Variants in SPAG17 observed in about 807,000 individuals in gnomAD.
SPAG17 encodes sperm-associated antigen 17.
Under a neutral mutation model 273.6 loss-of-function variants are expected in SPAG17, and 169 were observed. The observed-to-expected ratio is 0.62, with a 90% confidence interval of 0.55 to 0.70. The LOEUF (loss-of-function observed/expected upper bound fraction) is 0.70, where lower values mean the gene tolerates loss of function less well. Among genes scored for constraint, SPAG17 ranks in the 30% least tolerant of loss-of-function variants. SPAG17 has a pLI of 0.00. For missense variants in SPAG17, 2,557 were observed against 2,627.8 expected, an observed-to-expected ratio of 0.97 and a Z score of 0.59; for synonymous variants, 825 against 873.2, an observed-to-expected ratio of 0.94 and a Z score of 0.97.
At position 118,101,824 on chromosome 1, in the gene SPAG17, C is replaced by A. The variant is rs547173660; in HGVS notation, c.550G>T (p.Asp184Tyr). The A allele has an allele frequency of 4.3e-6, 7 of 1,613,918 alleles. No homozygotes were observed. Among genetic ancestry groups the A allele is most frequent in the Non-Finnish European group, 5.9e-6 (7 of 1,179,956 alleles). The change falls in exon 5 of 49, where the codon GAT becomes TAT. Residue 184 changes from aspartate to tyrosine, a missense_variant. Transcript: ENST00000336338. ...SAKPAKGKGK[D>Y]QPEANAPVKK... Reference sequence around the variant, plus strand: ...ACTGGTGCATTTGCCTCAGGCTGATCCTTTCCCTTTCCTTTGGCAGGCTTG... The same window carrying A: ...ACTGGTGCATTTGCCTCAGGCTGATACTTTCCCTTTCCTTTGGCAGGCTTG...
intron 3 of SPAG17, among the ~76,000 whole-genome samples, chr1:118,142,248 T>C (rs766249745): frequency 1.3e-5 from 2 of 152,180 alleles, no homozygotes; most frequent in Non-Finnish European, 2.9e-5. Flanking sequence ...TATGATTCCA[T>C]TTATATGAGG....
At chr1:118,056,001 C>T in intron 18 of SPAG17, 87 bp from the exon 19 acceptor site, 2 of 1,114,950 alleles carry the variant, frequency 1.8e-6, no homozygotes, top group Non-Finnish European at 2.5e-6. Context: ...AAACTTTTTG[C>T]TCATGTCAAA....
chr1:118,093,299 T>C lies in SPAG17; in HGVS notation c.1030A>G (p.Ile344Val), dbSNP rs1340182584. The C allele has an allele frequency of 1.2e-6, 2 of 1,609,974 alleles. No individual in the cohort carries two copies. The highest frequency in any genetic ancestry group is 3.4e-5 in the Admixed American group (2 of 59,338). The change falls in exon 8 of 49, where the codon ATT becomes GTT. Residue 344 changes from isoleucine (I) to valine (V), a missense_variant. Physicochemically the swap from Ile to Val is conservative, Grantham distance 29. Coordinates refer to ENST00000336338, the MANE Select transcript of SPAG17 (RefSeq NM_206996.4). ...ATCAAGCAGGCAATATTTTCAAAAA[T>C]ATCAGTGCCCAATTTCAGCTACAAG... is the stretch of plus-strand genomic sequence containing the variant. ...GEMMLKLGTD[I>V]FENIACLMYD...
At chr1:118,043,552 A>T (rs745734423) in intron 20 of SPAG17, among the ~76,000 whole-genome samples, 1 of 152,214 alleles carries the variant, frequency 6.6e-6, no homozygotes, top group Non-Finnish European at 1.5e-5. Context: ...TGTCAATTGT[A>T]ATGGTATCGT....
chr1:118,182,871 T>C (rs1256235771), intron 1 of SPAG17, among the ~76,000 whole-genome samples: 1 of 152,238 alleles, frequency 6.6e-6, no homozygotes, highest in Non-Finnish European at 1.5e-5. Context: ...CTCTATTTAA[T>C]CATTTAGTGC....
At chr1:118,147,124 T>C (rs1460974635) in intron 3 of SPAG17, among the ~76,000 whole-genome samples, 2 of 152,172 alleles carry the variant, frequency 1.3e-5, no homozygotes, top group Non-Finnish European at 2.9e-5. Flanking sequence ...TCCATATACA[T>C]TTTGTCCTTT....
chr1:118,099,253 G>T (rs1287432878), intron 6 of SPAG17, among the ~76,000 whole-genome samples: 1 of 152,134 alleles, frequency 6.6e-6, no homozygotes, highest in East Asian at 1.9e-4. Flanking sequence ...TGTGACTTCT[G>T]CAAGAACAGA....
Position 117,976,312 on chromosome 1 carries a change from G to A in SPAG17, c.6005-2751C>T, listed in dbSNP as rs144447578. Among the ~76,000 whole-genome samples, 652 of 152,286 alleles carry A rather than the reference G, an allele frequency of 4.3e-3. 3 individuals carry two copies. Among genetic ancestry groups the A allele is most frequent in the African/African-American group, 0.015 (630 of 41,548 alleles). On this transcript the variant is annotated intron_variant, in intron 43 of 48. Coordinates refer to ENST00000336338, the MANE Select transcript of SPAG17 (RefSeq NM_206996.4). ...CTGGTACAATCCAACTATTGCATTC[G>A]TCTGAATATTACTGCTGGACCTGAG...
At chr1:117,957,948 A>G (rs1036787981) in intron 48 of SPAG17, among the ~76,000 whole-genome samples, 1 of 152,242 alleles carries the variant, frequency 6.6e-6, no homozygotes, top group Admixed American at 6.5e-5. Flanking sequence ...TAAAGCAAAT[A>G]TGTTCATTAG....
Position 117,996,819 on chromosome 1 carries a change from A to G in SPAG17, c.4777-76T>C, listed in dbSNP as rs148291695. The G allele has an allele frequency of 1.6e-4, 229 of 1,423,338 alleles. No homozygotes were observed. In the East Asian group the frequency reaches 5.2e-3, roughly 32 times the overall value. 88.2% of individuals were successfully genotyped at this position (1,423,338 alleles called of 1,614,324 possible). A position where few individuals can be genotyped will look rare whatever the true frequency, so the allele number is the denominator to read the frequency against. On this transcript the variant is annotated intron_variant, in intron 32 of 48. Transcript: ENST00000336338. ...TAAACTTCTGCTGATTCAATTTGAGAAAACAGATGATTTGGTGGGTTTACT... is the reference window on the plus strand; with the variant it reads ...TAAACTTCTGCTGATTCAATTTGAGGAAACAGATGATTTGGTGGGTTTACT...
At chr1:118,008,895 G>C (rs2101758287) in intron 30 of SPAG17, among the ~76,000 whole-genome samples, 1 of 152,076 alleles carries the variant, frequency 6.6e-6, no homozygotes, top group South Asian at 2.1e-4. Context: ...TTATTTTGTA[G>C]GAATTTACCA....
At chr1:118,087,031 G>T in intron 10 of SPAG17, 23 bp from the exon 11 acceptor site, 1 of 1,545,138 alleles carries the variant, frequency 6.5e-7, no homozygotes, top group Non-Finnish European at 8.7e-7. Flanking sequence ...ACAATGAGAG[G>T]AATTGGTGTA....
At position 118,039,401 on chromosome 1, in the gene SPAG17, A is replaced by G; in HGVS notation, c.3210T>C (p.Asn1070=). The G allele has an allele frequency of 6.2e-7, 1 of 1,613,538 alleles. No homozygotes were observed. Among genetic ancestry groups the G allele is most frequent in the Non-Finnish European group, 8.5e-7 (1 of 1,179,668 alleles). ...IKVRVVKDNH[N]FMIHLNDPKE... ...TAGGGTCATTTAAATGAATCATAAA[A>G]TTGTGGTTGTCCTTTACCACTCTCA... The change falls in exon 23 of 49, where the codon AAT becomes AAC. Residue 1070 remains asparagine (N), a synonymous_variant. Transcript: ENST00000336338.
chr1:117,987,154 A>C (rs1351266476), intron 40 of SPAG17, among the ~76,000 whole-genome samples: 1 of 152,094 alleles, frequency 6.6e-6, no homozygotes, highest in Non-Finnish European at 1.5e-5. Context: ...TTTCCTTATA[A>C]AGACTGTCAT....
At chr1:118,012,560 G>T (rs958426389) in intron 29 of SPAG17, among the ~76,000 whole-genome samples, 188 bp from the exon 30 acceptor site, 4 of 152,194 alleles carry the variant, frequency 2.6e-5, no homozygotes, top group Admixed American at 2.6e-4. Flanking sequence ...TTTTATAGAT[G>T]AGGAAATGTA....
intron 48 of SPAG17, among the ~76,000 whole-genome samples, chr1:117,955,605 T>G (rs992639526): frequency 1.3e-5 from 2 of 152,168 alleles, no homozygotes; most frequent in African/African-American, 4.8e-5. Context: ...TTGTAGGCGA[T>G]GAAATAATAT....
intron 48 of SPAG17, chr1:117,961,830 A>G (rs1465029671): frequency 6.6e-6 from 1 of 152,524 alleles, no homozygotes; most frequent in African/African-American, 2.4e-5. Context: ...CAGGCAGGAT[A>G]ATGCATTCTA....
chr1:118,080,242 G>C (rs1654433691), intron 15 of SPAG17, among the ~76,000 whole-genome samples: 1 of 152,110 alleles, frequency 6.6e-6, no homozygotes, highest in Admixed American at 6.5e-5. Context: ...AATGCTAAGA[G>C]AGGCATTTCC....
intron 24 of SPAG17, among the ~76,000 whole-genome samples, chr1:118,035,202 T>C (rs1648944141): frequency 6.6e-6 from 1 of 152,168 alleles, no homozygotes; most frequent in African/African-American, 2.4e-5. Flanking sequence ...GGATGTAAAA[T>C]GTTACTTATT....
Sources: gnomAD v4.1 joint callset for allele counts (sites outside exome capture counted in the v4.1 genomes callset) on GRCh38, gnomAD v4.1.1 for gene constraint, MANE v1.5 for transcripts, NCBI Gene and HGNC (gene_info 2026-07-23, HGNC 2026-07-21) for gene names.